The following NHSL2 variants were observed in gnomAD, a reference collection of about 807,000 sequenced individuals.
The protein encoded by NHSL2 is NHS like 2.
NHSL2 carries 27 observed loss-of-function variants against 53.4 expected under a neutral mutation model. The ratio of observed to expected loss-of-function variants is 0.51; its 90% CI spans 0.37 to 0.70. The LOEUF is 0.70. Ranked by LOEUF, NHSL2 falls within the 30% of genes least tolerant of loss-of-function variation. The pLI, the probability that NHSL2 is intolerant of heterozygous loss-of-function variation, is 0.00. For synonymous variants in NHSL2, 408 were observed against 404.1 expected, an observed-to-expected ratio of 1.01 and a Z score of -0.12; for missense variants, 892 against 980.1, an observed-to-expected ratio of 0.91 and a Z score of 1.20.
intron 1 of NHSL2, among the ~76,000 whole-genome samples, chrX:71,994,986 A>G (rs754597418): frequency 4.5e-5 from 5 of 111,391 alleles, no homozygotes; most frequent in Non-Finnish European, 9.4e-5. Flanking sequence ...GACTTGACCT[A>G]TTCAAACCAG....
chrX:71,985,519 CACA>C (rs2041999407), intron 1 of NHSL2, among the ~76,000 whole-genome samples: 1 of 112,434 alleles, frequency 8.9e-6, no homozygotes. Flanking sequence ...TAAGAACACT[CACA>C]ACTAGTTTCC....
rs950688706 is a variant in NHSL2, at chrX:71,910,884, G to T, written c.-204G>T. 3.4e-5 allele frequency: 8 copies of T among 238,570 alleles called. No individual in the cohort carries two copies. Among genetic ancestry groups the T allele is most frequent in the Non-Finnish European group, 5.2e-5 (7 of 135,568 alleles). The allele number at this position is 238,570 out of a possible 1,213,427, so 19.7% of individuals were successfully genotyped here. On this transcript the variant is annotated 5_prime_UTR_variant, in exon 1 of 8. Transcript: ENST00000633930. The stretch of plus-strand genomic sequence containing the variant: ...CTCCGGCGAGTGTGCAGCCCCGGGG[G>T]AGCCGGCGCTCTAGGCGAGGAACCC...
Position 72,115,161 on chromosome X carries a change from A to T in NHSL2, c.281-16918A>T, listed in dbSNP as rs187493524. ...CATGTCCCAACTTCTTTCCCTGTTA[A>T]CACAGCTGCCCAAATTTTCAAGCAA... is the stretch of plus-strand genomic sequence containing the variant. On this transcript the variant is annotated intron_variant, in intron 1 of 7. Transcript: ENST00000633930. Among the ~76,000 whole-genome samples the T allele has an allele frequency of 2.3e-4, 25 of 111,042 alleles. No homozygotes were observed. The Admixed American group carries it at 2.4e-3, about 11-fold the overall frequency.
At chrX:72,023,675 A>T (rs771303264) in intron 1 of NHSL2, among the ~76,000 whole-genome samples, 2 of 111,713 alleles carry the variant, frequency 1.8e-5, no homozygotes, top group East Asian at 5.6e-4. Flanking sequence ...ACATGGCAGG[A>T]TGTGGAGTGG....
intron 1 of NHSL2, among the ~76,000 whole-genome samples, chrX:72,123,416 G>A (rs1344875186): frequency 8.9e-6 from 1 of 111,985 alleles, no homozygotes; most frequent in Non-Finnish European, 1.9e-5. Flanking sequence ...GGCCAGGTGT[G>A]TGAATTCAAA....
rs982871585 is a variant in NHSL2 at position 71,911,775 on chromosome X, T to C, written c.280+408T>C. ...GCTAAATGGCCGAGCCGCTGGCTTC[T>C]TTGCTCCTGTCTAGGAGCTCGGCCA... is the stretch of plus-strand genomic sequence containing the variant. On this transcript the variant is annotated intron_variant, in intron 1 of 7. Transcript: ENST00000633930. Among the ~76,000 whole-genome samples the C allele has an allele frequency of 6.2e-5, 7 of 113,085 alleles. No individual in the cohort carries two copies. In the Admixed American group the frequency reaches 6.4e-4, roughly 10 times the overall value.
chrX:72,001,474 A>G (rs2042072721), intron 1 of NHSL2, among the ~76,000 whole-genome samples: 1 of 112,013 alleles, frequency 8.9e-6, no homozygotes, highest in South Asian at 3.7e-4. Flanking sequence ...CCAATGAGGT[A>G]TATGTCTGTC....
intron 1 of NHSL2, among the ~76,000 whole-genome samples, chrX:72,046,051 A>T (rs2042303949): frequency 8.9e-6 from 1 of 112,049 alleles, no homozygotes; most frequent in African/African-American, 3.2e-5. Flanking sequence ...GCCAATGAAA[A>T]TCAAGACTGT....
chrX:72,123,409 C>G (rs1195914034), intron 1 of NHSL2, among the ~76,000 whole-genome samples: 1 of 111,738 alleles, frequency 8.9e-6, no homozygotes, highest in African/African-American at 3.3e-5. Context: ...GCAGCAAGGC[C>G]AGGTGTGTGA....
chrX:72,021,357 T>A (rs982230621), intron 1 of NHSL2, among the ~76,000 whole-genome samples: 9 of 112,210 alleles, frequency 8.0e-5, no homozygotes, highest in Non-Finnish European at 1.7e-4. Flanking sequence ...TTCCCTCCAG[T>A]TCACTGCCTG....
intron 1 of NHSL2, among the ~76,000 whole-genome samples, chrX:72,112,375 A>ATTT (rs1018605646): frequency 2.7e-4 from 30 of 112,088 alleles, no homozygotes; most frequent in African/African-American, 9.7e-4. Flanking sequence ...CAATTCACCT[A>ATTT]TTTAATGCAT....
At chrX:72,036,854 A>G (rs1232620118) in intron 1 of NHSL2, among the ~76,000 whole-genome samples, 3 of 110,755 alleles carry the variant, frequency 2.7e-5, no homozygotes, top group African/African-American at 9.8e-5. Flanking sequence ...GATATCTTCT[A>G]TTACTTTGGT....
rs1179999786 is a variant in NHSL2 at position 72,151,831 on chromosome X, A to G, written c.*8257A>G. ...GTTGGAAAGTCTGGCAGCCCAGGCC[A>G]TAGGATTCCAGTTCAGCCTACGATT... On this transcript the variant is annotated 3_prime_UTR_variant, in exon 8 of 8. Transcript: ENST00000633930. The G allele has an allele frequency of 5.3e-5, 6 of 112,514 alleles. No individual in the cohort carries two copies. Among genetic ancestry groups the G allele is most frequent in the African/African-American group, 1.6e-4 (5 of 30,980 alleles). The allele number at this position is 112,514 out of a possible 1,213,427, so 9.3% of individuals were successfully genotyped here.
At chrX:71,914,415 A>T (rs1467702743) in intron 1 of NHSL2, among the ~76,000 whole-genome samples, 4 of 112,411 alleles carry the variant, frequency 3.6e-5, no homozygotes, top group Non-Finnish European at 7.5e-5. Context: ...CCGCGTAGGG[A>T]TATAATATCT....
At chrX:72,044,466 C>G (rs1470193651) in intron 1 of NHSL2, 9 of 464,290 alleles carry the variant, frequency 1.9e-5, no homozygotes, top group Non-Finnish European at 3.4e-5. Context: ...CTCTACATTC[C>G]TGGATGGTTT....
In NHSL2 at chrX:71,955,783, G is replaced by T. The variant is rs1464083617; in HGVS notation, c.280+44416G>T. ...GGGAAGTGATGGGAAGCTTTCGAAT[G>T]ACTTAAATTGACTTTTTTTTTTTTT... is the stretch of plus-strand genomic sequence containing the variant. On this transcript the variant is annotated intron_variant, in intron 1 of 7. Transcript: ENST00000633930. 3.7e-5 allele frequency among the ~76,000 whole-genome samples: 4 copies of T among 108,677 alleles called. No individual in the cohort carries two copies. The Admixed American group carries it at 3.9e-4, about 11-fold the overall frequency. 94.4% of individuals were successfully genotyped at this position (108,677 alleles called of 115,157 possible).
At chrX:72,126,246 G>C (rs375324787) in intron 1 of NHSL2, among the ~76,000 whole-genome samples, 1 of 111,686 alleles carries the variant, frequency 9.0e-6, no homozygotes, top group East Asian at 2.8e-4. Flanking sequence ...CTGGAGGCAG[G>C]GGGGGTAGGA....
chrX:71,981,856 C>G (rs1333645274), intron 1 of NHSL2, among the ~76,000 whole-genome samples: 1 of 111,905 alleles, frequency 8.9e-6, no homozygotes, highest in Admixed American at 9.5e-5. Flanking sequence ...CTGGAAATCT[C>G]AAATACCACT....
At chrX:72,087,610 G>A (rs1014473571) in intron 1 of NHSL2, among the ~76,000 whole-genome samples, 26 of 112,371 alleles carry the variant, frequency 2.3e-4, no homozygotes, top group Middle Eastern at 9.3e-3. Context: ...GGTGGCTCAC[G>A]CCTGTAATCC....
Sources: gnomAD v4.1 joint callset for allele counts (sites outside exome capture counted in the v4.1 genomes callset) on GRCh38, gnomAD v4.1.1 for gene constraint, MANE v1.5 for transcripts, NCBI Gene and HGNC (gene_info 2026-07-23, HGNC 2026-07-21) for gene names.